The following NRG1 variants were observed in gnomAD, a reference collection of about 807,000 sequenced individuals.
NRG1 encodes neuregulin 1.
In NRG1, 18 loss-of-function variants were observed where a neutral mutation model predicts 63.8. The observed-to-expected ratio is 0.28, with a 90% CI of 0.19 to 0.42. NRG1 has a LOEUF of 0.42. NRG1 is among the 10% of genes least tolerant of loss of function. NRG1 has a pLI of 1.00. For synonymous variants in NRG1, 302 were observed against 301.3 expected, an observed-to-expected ratio of 1.00 and a Z score of -0.02; for missense variants, 762 against 814.7, an observed-to-expected ratio of 0.94 and a Z score of 0.79.
At chr8:32,728,474 A>G (rs11785668) in intron 6 of NRG1, 32,113 of 984,936 alleles carry the variant, frequency 0.033, 651 homozygotes, top group Middle Eastern at 0.1. Flanking sequence ...TTCTTATCCC[A>G]GTGATCACCT....
intron 1 of NRG1, among the ~76,000 whole-genome samples, chr8:32,513,692 T>C (rs1485594075): frequency 6.6e-6 from 1 of 152,158 alleles, no homozygotes. Context: ...GAGAATAAAA[T>C]TTCCAACAGC....
chr8:31,995,382 A>G (rs1241271186), intron 1 of NRG1, among the ~76,000 whole-genome samples: 1 of 152,018 alleles, frequency 6.6e-6, no homozygotes, highest in Non-Finnish European at 1.5e-5. Flanking sequence ...ACTCCAAAGG[A>G]CTATAATCCT....
chr8:31,744,336 T>A (rs750579244), intron 1 of NRG1, among the ~76,000 whole-genome samples: 1 of 152,054 alleles, frequency 6.6e-6, no homozygotes, highest in Non-Finnish European at 1.5e-5. Flanking sequence ...CCAGTATACA[T>A]GAAAATGGGA....
chr8:32,608,092 GTT>G (rs1226154193), intron 3 of NRG1, among the ~76,000 whole-genome samples: 4,907 of 106,108 alleles, frequency 0.046, 324 homozygotes, highest in African/African-American at 0.16. Flanking sequence ...GGTTTTTTTT[GTT>G]TTTTTTTTTT....
At chr8:32,178,321 C>T (rs912983218) in intron 1 of NRG1, among the ~76,000 whole-genome samples, 1 of 152,078 alleles carries the variant, frequency 6.6e-6, no homozygotes, top group Non-Finnish European at 1.5e-5. Context: ...CTAAGAAAGA[C>T]CACCCTGGTC....
chr8:32,718,519 A>G (rs561175028), intron 5 of NRG1, among the ~76,000 whole-genome samples: 14 of 152,242 alleles, frequency 9.2e-5, no homozygotes, highest in African/African-American at 3.4e-4. Flanking sequence ...GGCCCTACTC[A>G]AAAGCCTAAC....
At chr8:32,280,025 A>G (rs966205092) in intron 1 of NRG1, among the ~76,000 whole-genome samples, 9 of 152,236 alleles carry the variant, frequency 5.9e-5, no homozygotes, top group African/African-American at 2.2e-4. Flanking sequence ...AACCAAGTCA[A>G]TATCATCAGT....
chr8:32,348,663 T>C (rs1471541308), intron 1 of NRG1, among the ~76,000 whole-genome samples: 3 of 152,194 alleles, frequency 2.0e-5, no homozygotes, highest in Admixed American at 6.5e-5. Context: ...GGTTTTCTGT[T>C]ATAACGTAGT....
chr8:32,469,289 C>T (rs1271236791), intron 1 of NRG1, among the ~76,000 whole-genome samples: 5 of 152,134 alleles, frequency 3.3e-5, no homozygotes, highest in African/African-American at 7.2e-5. Flanking sequence ...TGATTCACAA[C>T]GCAATGGAAA....
chr8:32,710,298 T>C (rs999600945), intron 5 of NRG1, among the ~76,000 whole-genome samples: 9 of 152,212 alleles, frequency 5.9e-5, no homozygotes, highest in Non-Finnish European at 1.2e-4. Flanking sequence ...GCATCTCTTA[T>C]AGAAATACTT....
At chr8:32,534,807 T>C (rs1284182893) in intron 1 of NRG1, among the ~76,000 whole-genome samples, 1 of 152,188 alleles carries the variant, frequency 6.6e-6, no homozygotes, top group Non-Finnish European at 1.5e-5. Flanking sequence ...TAAATTGGGC[T>C]CATTATATTA....
Position 31,880,392 on chromosome 8 carries a change from G to T in NRG1, c.37+240961G>T, listed in dbSNP as rs960532230. On this transcript the variant is annotated intron_variant, in intron 1 of 10. Coordinates refer to the NRG1 transcript ENST00000519301. The stretch of plus-strand genomic sequence containing the variant: ...ATGGGTTTTGGCAGCATACGACCAT[G>T]AATTAACATTATATTTCCGCTTACC... Among the ~76,000 whole-genome samples the T allele has an allele frequency of 5.0e-4, 76 of 152,212 alleles. 1 individual carries two copies. Among genetic ancestry groups the T allele is most frequent in the African/African-American group, 1.6e-3 (66 of 41,536 alleles).
intron 5 of NRG1, among the ~76,000 whole-genome samples, chr8:32,707,099 G>A (rs1346213468): frequency 6.6e-6 from 1 of 151,886 alleles, no homozygotes; most frequent in Non-Finnish European, 1.5e-5. Flanking sequence ...AATGTATTTT[G>A]TGCTGGGCTG....
intron 1 of NRG1, among the ~76,000 whole-genome samples, chr8:32,281,772 G>A (rs569557152): frequency 6.6e-6 from 1 of 151,844 alleles, no homozygotes; most frequent in East Asian, 1.9e-4. Flanking sequence ...CTTGAGCCCA[G>A]GAGTTCAAAG....
At chr8:31,827,663 A>G (rs1292242565) in intron 1 of NRG1, among the ~76,000 whole-genome samples, 1 of 152,236 alleles carries the variant, frequency 6.6e-6, no homozygotes, top group Non-Finnish European at 1.5e-5. Context: ...TTTCCTTGGC[A>G]AATTTTACTC....
intron 1 of NRG1, among the ~76,000 whole-genome samples, chr8:32,256,862 A>G (rs1849779245): frequency 1.3e-5 from 2 of 152,048 alleles, no homozygotes; most frequent in South Asian, 4.1e-4. Flanking sequence ...AGGAATGTTT[A>G]AGTCTGCTGA....
chr8:32,439,209 T>C (rs7009168), intron 1 of NRG1, among the ~76,000 whole-genome samples: 69,429 of 151,928 alleles, frequency 0.46, 16,597 homozygotes, highest in Non-Finnish European at 0.52. Context: ...AATTATAAAT[T>C]AGTTAACAGT....
chr8:32,080,926 A>G (rs1332556757), intron 1 of NRG1, among the ~76,000 whole-genome samples: 1 of 151,968 alleles, frequency 6.6e-6, no homozygotes, highest in Non-Finnish European at 1.5e-5. Flanking sequence ...GGAAAAGCTG[A>G]TGTTGCAGTT....
chr8:32,594,720 G>T (rs2129537036), intron 1 of NRG1, among the ~76,000 whole-genome samples: 1 of 152,272 alleles, frequency 6.6e-6, no homozygotes, highest in East Asian at 1.9e-4. Flanking sequence ...GGTGTTTAAT[G>T]TATTCTCCAA....
Sources: gnomAD v4.1 joint callset for allele counts (sites outside exome capture counted in the v4.1 genomes callset) on GRCh38, gnomAD v4.1.1 for gene constraint, MANE v1.5 for transcripts, NCBI Gene and HGNC (gene_info 2026-07-23, HGNC 2026-07-21) for gene names.